LINGO2: variants seen among roughly 807,000 people sequenced by gnomAD.
LINGO2 encodes leucine rich repeat and Ig domain containing 2, also known as leucine-rich repeat and immunoglobulin-like domain-containing nogo receptor-interacting protein 2.
Under a neutral mutation model 30.6 loss-of-function variants are expected in LINGO2, and 14 were observed. The ratio of observed to expected loss-of-function variants is 0.46; its 90% CI spans 0.30 to 0.72. The LOEUF is 0.72. Among genes scored for constraint, LINGO2 ranks in the 30% least tolerant of loss-of-function variants. LINGO2 has a pLI of 0.07. For synonymous variants in LINGO2, 317 were observed against 288.5 expected (o/e 1.10, Z -1.00); for missense variants, 729 against 751.7 (o/e 0.97, Z 0.35).
At chr9:28,235,804 AG>A (rs1821541840) in intron 4 of LINGO2, among the ~76,000 whole-genome samples, 1 of 152,232 alleles carries the variant, frequency 6.6e-6, no homozygotes, top group Admixed American at 6.5e-5. Context: ...AGACAAAAAA[AG>A]TCAATGAAGC....
the LINGO2 span, among the ~76,000 whole-genome samples, chr9:29,121,470 A>C: frequency 6.6e-6 from 1 of 152,144 alleles, no homozygotes; most frequent in Non-Finnish European, 1.5e-5. Context: ...CATAGGGAAA[A>C]AATTTGAAAT....
At chr9:28,344,122 A>G (rs1390169321) in intron 3 of LINGO2, among the ~76,000 whole-genome samples, 14 of 152,194 alleles carry the variant, frequency 9.2e-5, no homozygotes, top group Admixed American at 9.2e-4. Context: ...TGATTCAGTA[A>G]ATAAATTTTA....
intron 5 of LINGO2, among the ~76,000 whole-genome samples, chr9:27,962,763 C>T (rs1819910520): frequency 6.6e-6 from 1 of 152,062 alleles, no homozygotes; most frequent in Non-Finnish European, 1.5e-5. Context: ...CTCATAATGT[C>T]CGACTGTGAC....
At chr9:28,876,984 C>G in the LINGO2 span, among the ~76,000 whole-genome samples, 1 of 152,102 alleles carries the variant, frequency 6.6e-6, no homozygotes, top group Non-Finnish European at 1.5e-5. Context: ...TTTTGATTTG[C>G]ATTTGTCTGA....
chr9:28,033,957 A>G (rs192533551), intron 4 of LINGO2, among the ~76,000 whole-genome samples: 4 of 152,268 alleles, frequency 2.6e-5, no homozygotes, highest in Admixed American at 2.0e-4. Context: ...ACACTTCAAT[A>G]TCACCTTCTC....
intron 5 of LINGO2, among the ~76,000 whole-genome samples, chr9:27,973,107 C>T (rs969103010): frequency 7.2e-5 from 11 of 152,126 alleles, no homozygotes; most frequent in African/African-American, 2.7e-4. Flanking sequence ...TTGCAGAGAG[C>T]AGATGGTAGG....
chr9:29,084,762 C>T, the LINGO2 span, among the ~76,000 whole-genome samples: 9 of 151,996 alleles, frequency 5.9e-5, no homozygotes, highest in Middle Eastern at 3.4e-3. Context: ...GTAATACTCA[C>T]CAAAATTAAG....
rs757957924 is a variant in LINGO2 at position 28,199,344 on chromosome 9, CT to C, written c.-87+95863del. Among the ~76,000 whole-genome samples, 677 of 117,574 alleles carry C rather than the reference CT, an allele frequency of 5.8e-3. 22 individuals carry two copies. Among genetic ancestry groups the C allele is most frequent in the African/African-American group, 0.017 (569 of 32,586 alleles). 77.1% of individuals were successfully genotyped at this position (117,574 alleles called of 152,430 possible). A position where few individuals can be genotyped will look rare whatever the true frequency, so the allele number is the denominator to read the frequency against. ...CTATCTTCTTCTTCTTCTTCTTCTTCTTTTTTTTTTTTTGAGACGGAGTCTC... is the reference window on the plus strand; with the variant it reads ...CTATCTTCTTCTTCTTCTTCTTCTTCTTTTTTTTTTTTGAGACGGAGTCTC... On this transcript the variant is annotated intron_variant, in intron 4 of 5. Coordinates refer to ENST00000379992, the Ensembl canonical transcript of LINGO2.
intron 4 of LINGO2, among the ~76,000 whole-genome samples, chr9:28,156,313 G>A (rs1308402090): frequency 6.6e-6 from 1 of 152,184 alleles, no homozygotes; most frequent in East Asian, 1.9e-4. Flanking sequence ...AATTCTGTGA[G>A]AGTAACCCCA....
chr9:28,872,314 C>CT, the LINGO2 span, among the ~76,000 whole-genome samples: 37 of 150,824 alleles, frequency 2.5e-4, no homozygotes, highest in South Asian at 1.9e-3. Context: ...AAATGATTTC[C>CT]TTTTTTTTTG....
chr9:28,007,346 G>A (rs1397587119), intron 5 of LINGO2, among the ~76,000 whole-genome samples: 1 of 152,006 alleles, frequency 6.6e-6, no homozygotes, highest in East Asian at 1.9e-4. Context: ...TAGAAGAGGA[G>A]GGCAGGAAAG....
chr9:28,718,718 CACTT>C, the LINGO2 span, among the ~76,000 whole-genome samples: 2 of 152,004 alleles, frequency 1.3e-5, no homozygotes, highest in Admixed American at 6.6e-5. Flanking sequence ...ATCTTGGTGA[CACTT>C]ACTGGCATAC....
intron 4 of LINGO2, among the ~76,000 whole-genome samples, chr9:28,206,665 A>G (rs954990066): frequency 2.6e-5 from 4 of 152,216 alleles, no homozygotes; most frequent in African/African-American, 9.6e-5. Flanking sequence ...TAAAAATACT[A>G]GCTCTTTAAA....
the LINGO2 span, among the ~76,000 whole-genome samples, chr9:29,151,761 A>T: frequency 6.6e-6 from 1 of 152,210 alleles, no homozygotes; most frequent in Non-Finnish European, 1.5e-5. Flanking sequence ...ATTATTCTTG[A>T]CCTACAATAA....
chr9:28,307,755 C>T (rs1824429825), intron 3 of LINGO2, among the ~76,000 whole-genome samples: 1 of 152,096 alleles, frequency 6.6e-6, no homozygotes, highest in African/African-American at 2.4e-5. Flanking sequence ...AATCAATGTA[C>T]AAAAATGACA....
chr9:28,220,876 A>G (rs1169247893), intron 4 of LINGO2, among the ~76,000 whole-genome samples: 1 of 152,220 alleles, frequency 6.6e-6, no homozygotes, highest in African/African-American at 2.4e-5. Flanking sequence ...AAAAACCCAA[A>G]CAAACAAAAA....
intron 1 of LINGO2, among the ~76,000 whole-genome samples, chr9:28,650,965 C>T (rs897214984): frequency 3.9e-5 from 6 of 152,030 alleles, no homozygotes; most frequent in East Asian, 1.9e-4. Context: ...CTGAGGTGGG[C>T]GGATCATCAG....
the LINGO2 span, among the ~76,000 whole-genome samples, chr9:28,917,197 G>A: frequency 4.6e-5 from 7 of 152,024 alleles, no homozygotes; most frequent in East Asian, 5.8e-4. Context: ...CTATATCACC[G>A]AAATAAAATA....
At chr9:28,658,893 T>C (rs557749931) in intron 1 of LINGO2, among the ~76,000 whole-genome samples, 1 of 152,226 alleles carries the variant, frequency 6.6e-6, no homozygotes, top group Admixed American at 6.5e-5. Flanking sequence ...GGAAATCATA[T>C]GAATGTATCT....
Sources: allele counts gnomAD v4.1 joint callset (sites outside exome capture counted in the v4.1 genomes callset), GRCh38; gene constraint gnomAD v4.1.1; transcripts MANE v1.5; gene names NCBI Gene and HGNC (gene_info 2026-07-23, HGNC 2026-07-21).